The following TFR2 variants were observed in gnomAD, a reference collection of about 807,000 sequenced individuals.
TFR2 encodes the protein transferrin receptor protein 2.
Under a neutral mutation model 91.9 loss-of-function variants are expected in TFR2, and 64 were observed. The observed-to-expected ratio is 0.70, with a 90% confidence interval of 0.57 to 0.86. The LOEUF (loss-of-function observed/expected upper bound fraction) is 0.86. Ranked by LOEUF, TFR2 falls within the 40% of genes least tolerant of loss-of-function variation. TFR2 has a pLI of 0.00. For synonymous variants in TFR2, 454 were observed against 459.6 expected, an observed-to-expected ratio of 0.99 and a Z score of 0.15; for missense variants, 950 against 1,080.5, an observed-to-expected ratio of 0.88 and a Z score of 1.69.
chr7:100,620,634 A>AC lies in TFR2; in HGVS notation c.*222dup. On this transcript the variant is annotated 3_prime_UTR_variant, in exon 18 of 18. Coordinates refer to ENST00000223051, the MANE Select transcript of TFR2 (RefSeq NM_003227.4). ...TTGAAGGGATGCTACTCTCTGATTAACCGACAGTATGACCGTCACATTAGG... is the reference window on the plus strand; with the variant it reads ...TTGAAGGGATGCTACTCTCTGATTAACCCGACAGTATGACCGTCACATTAGG... 1.7e-6 allele frequency: 1 copy of AC among 578,848 alleles called. No homozygotes were observed. Among genetic ancestry groups the AC allele is most frequent in the East Asian group, 3.0e-5 (1 of 32,942 alleles). The allele number at this position is 578,848 out of a possible 1,614,324, so 35.9% of individuals were successfully genotyped here. A position where few individuals can be genotyped will look rare whatever the true frequency, so the allele number is the denominator to read the frequency against.
intron 3 of TFR2, among the ~76,000 whole-genome samples, chr7:100,634,002 A>T (rs913918903): frequency 6.6e-6 from 1 of 151,746 alleles, no homozygotes; most frequent in African/African-American, 2.4e-5. Context: ...GCCGCAGTGC[A>T]GGGCCCTCCG....
chr7:100,627,113 G>C, intron 16 of TFR2, 151 bp downstream of exon 16: 1 of 1,212,832 alleles, frequency 8.2e-7, no homozygotes, highest in Non-Finnish European at 1.2e-6. Context: ...GGCACATGCT[G>C]GGGGCTGGGA....
At position 100,629,137 on chromosome 7, in the gene TFR2, G is replaced by A. The variant is rs559655488; in HGVS notation, c.1390+116C>T. 22 of 1,350,790 alleles carry A rather than the reference G, an allele frequency of 1.6e-5. No individual in the cohort carries two copies. The African/African-American group carries it at 2.4e-4, about 15-fold the overall frequency. 83.7% of individuals were successfully genotyped at this position (1,350,790 alleles called of 1,614,324 possible). On this transcript the variant is annotated intron_variant, in intron 10 of 17. Transcript: ENST00000223051. Reference sequence around the variant, plus strand: ...GCCACTCAGGTACAATGTGGATGCCGAGGTCCAAGTGACCACTGGCCAGTC... The same window carrying A: ...GCCACTCAGGTACAATGTGGATGCCAAGGTCCAAGTGACCACTGGCCAGTC...
Position 100,627,381 on chromosome 7 carries a change from T to A in TFR2, c.1878A>T (p.Ala626=), listed in dbSNP as rs370288878. The change falls in exon 16 of 18, where the codon GCA becomes GCT. Residue 626 remains alanine (A), a synonymous_variant. Coordinates refer to ENST00000223051, the MANE Select transcript of TFR2 (RefSeq NM_003227.4). ...PAVAQAVAQL[A]GQLLIRLSHD... is the part of the protein sequence containing the mutation. ...GGCTGAGCCGGATGAGGAGCTGCCC[T>A]GCGAGCTGGGCCACGGCCTGGGCCA... is the stretch of plus-strand genomic sequence containing the variant. 3.2e-6 allele frequency: 5 copies of A among 1,557,076 alleles called. No individual in the cohort carries two copies. The Admixed American group carries it at 9.8e-5, about 30-fold the overall frequency.
At chr7:100,627,196 G>A (rs1803286720) in intron 16 of TFR2, 68 bp downstream of exon 16, 2 of 1,495,800 alleles carry the variant, frequency 1.3e-6, no homozygotes, top group Non-Finnish European at 1.8e-6. Context: ...GAGAGAAGGG[G>A]CTGGACCCCC....
At position 100,627,330 on chromosome 7, in the gene TFR2, G is replaced by A. The variant is rs1280897931; in HGVS notation, c.1929C>T (p.Phe643=). The A allele has an allele frequency of 7.1e-6, 11 of 1,550,782 alleles. No individual in the cohort carries two copies. The highest frequency in any genetic ancestry group is 5.9e-5 in the Admixed American group (3 of 51,002). ...TGAGGACGACGTCCCCGTAGCGGCCGAAGTCGAGGGGCAGCAGGCGATCGT... is the reference window on the plus strand; with the variant it reads ...TGAGGACGACGTCCCCGTAGCGGCCAAAGTCGAGGGGCAGCAGGCGATCGT... ...LSHDRLLPLD[F]GRYGDVVLRH... Residue 643 remains phenylalanine (F), a synonymous_variant, in exon 16 of 18, where the codon TTC becomes TTT. Transcript: ENST00000223051.
At chr7:100,630,738 TCAGCCTCAACTTGC>T in intron 9 of TFR2, 137 bp downstream of exon 9, 1 of 1,060,388 alleles carries the variant, frequency 9.4e-7, no homozygotes, top group South Asian at 1.5e-5. Context: ...CAGACCCAGT[TCAGCCTCAACTTGC>T]CAGCTTCCCT....
At chr7:100,623,280 AAC>A (rs1430487389) in intron 17 of TFR2, among the ~76,000 whole-genome samples, 2 of 152,258 alleles carry the variant, frequency 1.3e-5, no homozygotes, top group Non-Finnish European at 2.9e-5. Context: ...TCAAAAAACA[AAC>A]AAAAACAAAT....
At chr7:100,636,652 C>A (rs760890693) in intron 3 of TFR2, among the ~76,000 whole-genome samples, 4 of 152,004 alleles carry the variant, frequency 2.6e-5, no homozygotes, top group Admixed American at 2.6e-4. Flanking sequence ...TCTGAGTAGA[C>A]CCTGTCAGGT....
chr7:100,631,088 G>C, intron 8 of TFR2, 36 bp from the exon 9 acceptor site: 1 of 1,507,360 alleles, frequency 6.6e-7, no homozygotes, highest in Non-Finnish European at 8.8e-7. Flanking sequence ...GGAAGTTGTA[G>C]AGAGACCCAG....
rs1803688731 is a variant in TFR2 at position 100,641,043 on chromosome 7, G to C, written c.219C>G (p.Pro73=). 6.2e-7 allele frequency: 1 copy of C among 1,602,494 alleles called. No homozygotes were observed. The highest frequency in any genetic ancestry group is 1.1e-5 in the South Asian group (1 of 89,962). The change falls in exon 2 of 18, where the codon CCC becomes CCG. Residue 73 remains proline (P), a synonymous_variant. Coordinates refer to ENST00000223051, the MANE Select transcript of TFR2 (RefSeq NM_003227.4). The part of the protein sequence containing the change: ...GSRPRQPNLI[P]WAAAGRRAAP... ...CAGCCCTCCGTCCTGCTGCCGCCCA[G>C]GGAATGAGGTTTGGCTGCCTGGGTC...
intron 17 of TFR2, chr7:100,626,501 C>T (rs1423519899): frequency 9.7e-6 from 13 of 1,341,242 alleles, no homozygotes; most frequent in African/African-American, 1.5e-5. Flanking sequence ...GTGGATTGTC[C>T]CAGTTCTGCC....
intron 17 of TFR2, chr7:100,626,417 C>T (rs1167874801): frequency 3.5e-6 from 4 of 1,128,228 alleles, no homozygotes; most frequent in East Asian, 5.7e-5. Flanking sequence ...TGTGGACATG[C>T]TTTTTCTTTC....
At chr7:100,632,950 C>T in intron 6 of TFR2, 51 bp downstream of exon 6, 4 of 1,613,356 alleles carry the variant, frequency 2.5e-6, no homozygotes, top group Non-Finnish European at 3.4e-6. Flanking sequence ...ACTGGCAGTC[C>T]GACCCTCCGG....
chr7:100,633,383 C>T (rs759760974), intron 4 of TFR2, 33 bp downstream of exon 4: 169 of 1,607,080 alleles, frequency 1.1e-4, no homozygotes, highest in Admixed American at 9.9e-4. Context: ...GCGTCCCCCT[C>T]CCCGCGCGCC....
intron 9 of TFR2, among the ~76,000 whole-genome samples, chr7:100,630,151 G>A (rs1562840316): frequency 6.6e-6 from 1 of 152,098 alleles, no homozygotes; most frequent in Non-Finnish European, 1.5e-5. Context: ...ATGCTTGAAA[G>A]GGCCATCTAT....
intron 10 of TFR2, 34 bp from the exon 11 acceptor site, chr7:100,628,340 A>G (rs1222529268): frequency 6.2e-7 from 1 of 1,606,030 alleles, no homozygotes; most frequent in Non-Finnish European, 8.5e-7. Flanking sequence ...CAGGCTTAGC[A>G]GGGGCCAAGC....
chr7:100,626,764 C>G lies in TFR2; in HGVS notation c.2135G>C (p.Arg712Pro), dbSNP rs201556221. ...GGGGCGAGGAGGGCGGGGCCTCACC[C>G]GCATTATGCGCACGTTGTACATGCG... ...LTRMYNVRIM[R>P]VEFYFLSQYV... Residue 712 changes from arginine to proline, a missense_variant and splice_region_variant, in exon 17 of 18, where the codon CGG becomes CCG. Physicochemically the swap from Arg to Pro is moderately radical, Grantham distance 103. Coordinates refer to ENST00000223051, the MANE Select transcript of TFR2 (RefSeq NM_003227.4). The G allele has an allele frequency of 1.3e-6, 2 of 1,544,010 alleles. No homozygotes were observed. The highest frequency in any genetic ancestry group is 1.4e-5 in the African/African-American group (1 of 73,006).
rs746033859 is a variant in TFR2, at chr7:100,633,140, G to A, written c.727-17C>T. ...CAGCTCTCCCTGGGGACACGAGGAC[G>A]GTGAGGCGCGCTCCCCGCGTCCCTC... On this transcript the variant is annotated splice_polypyrimidine_tract_variant and intron_variant, in intron 5 of 17. Coordinates refer to ENST00000223051, the MANE Select transcript of TFR2 (RefSeq NM_003227.4). The A allele has an allele frequency of 4.3e-6, 7 of 1,613,206 alleles. No homozygotes were observed. The highest frequency in any genetic ancestry group is 1.1e-5 in the South Asian group (1 of 91,058).
Sources: allele counts gnomAD v4.1 joint callset (sites outside exome capture counted in the v4.1 genomes callset), GRCh38; gene constraint gnomAD v4.1.1; transcripts MANE v1.5; gene names NCBI Gene and HGNC (gene_info 2026-07-23, HGNC 2026-07-21).